The following ARHGAP6 variants were observed in gnomAD, a reference collection of about 807,000 sequenced individuals.
ARHGAP6 encodes the protein rho GTPase-activating protein 6.
A neutral mutation model predicts 55.7 loss-of-function variants in ARHGAP6; 16 were observed. The observed-to-expected ratio is 0.29, with a 90% CI of 0.19 to 0.44. The LOEUF is 0.44. Among genes scored for constraint, ARHGAP6 ranks in the 20% least tolerant of loss-of-function variants. The pLI is 1.00. For missense variants in ARHGAP6, 698 were observed against 808.9 expected (o/e 0.86, Z 1.66); for synonymous variants, 382 against 360.9 (o/e 1.06, Z -0.66).
chrX:11,607,743 A>C (rs149066353), intron 1 of ARHGAP6, among the ~76,000 whole-genome samples: 1,453 of 112,365 alleles, frequency 0.013, 22 homozygotes, highest in African/African-American at 0.045. Flanking sequence ...ATAGCTTGTG[A>C]CAGTGACCTT....
chrX:11,534,957 G>A (rs901329169), intron 1 of ARHGAP6, among the ~76,000 whole-genome samples: 1 of 111,331 alleles, frequency 9.0e-6, no homozygotes, highest in African/African-American at 3.3e-5. Flanking sequence ...ATTGAACAGT[G>A]CGGAGACAGT....
intron 1 of ARHGAP6, among the ~76,000 whole-genome samples, chrX:11,573,812 C>G (rs2147110639): frequency 9.0e-6 from 1 of 111,263 alleles, no homozygotes; most frequent in South Asian, 3.9e-4. Context: ...TTCTTCCTAC[C>G]CATGAGCATG....
chrX:11,511,928 A>G (rs1002972467), intron 1 of ARHGAP6, among the ~76,000 whole-genome samples: 6 of 110,874 alleles, frequency 5.4e-5, no homozygotes, highest in Middle Eastern at 4.6e-3. Flanking sequence ...CCGGGTTCAC[A>G]CCATTCTCCT....
intron 1 of ARHGAP6, among the ~76,000 whole-genome samples, chrX:11,469,863 A>T (rs2050331013): frequency 9.0e-6 from 1 of 111,431 alleles, no homozygotes; most frequent in African/African-American, 3.3e-5. Context: ...CAGGAGAGAG[A>T]GGTGGGTACA....
chrX:11,383,911 GA>G (rs2049292586), intron 1 of ARHGAP6, among the ~76,000 whole-genome samples: 1 of 110,562 alleles, frequency 9.0e-6, no homozygotes, highest in African/African-American at 3.3e-5. Flanking sequence ...GAATAAACTA[GA>G]AAATAAATGA....
chrX:11,435,480 C>T lies in ARHGAP6; in HGVS notation c.589-180773G>A, dbSNP rs747126512. Among the ~76,000 whole-genome samples the T allele has an allele frequency of 2.7e-5, 3 of 112,025 alleles. No homozygotes were observed. In the East Asian group the frequency reaches 8.4e-4, roughly 31 times the overall value. ...GTTTTTGAAGGTATGGTCTTCAGGA[C>T]CATGGGCATCAGCATCACTTGGGTG... is the stretch of plus-strand genomic sequence containing the variant. On this transcript the variant is annotated intron_variant, in intron 1 of 12. Coordinates refer to ENST00000337414, the MANE Select transcript of ARHGAP6 (RefSeq NM_013427.3).
At chrX:11,515,938 G>A (rs1051345391) in intron 1 of ARHGAP6, among the ~76,000 whole-genome samples, 1 of 112,505 alleles carries the variant, frequency 8.9e-6, no homozygotes, top group Non-Finnish European at 1.9e-5. Flanking sequence ...CCCCCCAGGG[G>A]TGTTTCACCC....
chrX:11,291,540 A>G (rs1434585613), intron 1 of ARHGAP6, among the ~76,000 whole-genome samples: 1 of 111,441 alleles, frequency 9.0e-6, no homozygotes, highest in Non-Finnish European at 1.9e-5. Flanking sequence ...AAAAAAAAAT[A>G]TCCTGAATCC....
At chrX:11,148,594 C>A (rs1476629483) in intron 10 of ARHGAP6, 1 of 353,918 alleles carries the variant, frequency 2.8e-6, no homozygotes, top group Admixed American at 2.7e-5. Flanking sequence ...ACCAGACAAG[C>A]AAGGGATGGG....
chrX:11,462,571 A>T (rs1569353892), intron 1 of ARHGAP6, among the ~76,000 whole-genome samples: 1 of 112,474 alleles, frequency 8.9e-6, no homozygotes, highest in Non-Finnish European at 1.9e-5. Flanking sequence ...CAAGAAAGAA[A>T]ACATTACCAT....
At chrX:11,570,496 T>C (rs1234040384) in intron 1 of ARHGAP6, among the ~76,000 whole-genome samples, 2 of 111,019 alleles carry the variant, frequency 1.8e-5, no homozygotes, top group African/African-American at 3.3e-5. Context: ...TTAGAAATTA[T>C]TGAGTGCTTA....
At chrX:11,276,331 A>C (rs1569282291) in intron 1 of ARHGAP6, among the ~76,000 whole-genome samples, 4 of 112,081 alleles carry the variant, frequency 3.6e-5, no homozygotes, top group Non-Finnish European at 7.5e-5. Context: ...TTCTGGAAGA[A>C]TAGAAACAGC....
intron 1 of ARHGAP6, among the ~76,000 whole-genome samples, chrX:11,536,912 T>G (rs1364457420): frequency 8.9e-6 from 1 of 112,272 alleles, no homozygotes; most frequent in Admixed American, 9.5e-5. Flanking sequence ...CTTCAATTTT[T>G]TACACCTAAA....
intron 1 of ARHGAP6, among the ~76,000 whole-genome samples, chrX:11,517,552 T>A (rs1339553712): frequency 1.8e-5 from 2 of 111,588 alleles, no homozygotes; most frequent in African/African-American, 6.5e-5. Context: ...AAAATGGTTA[T>A]CTTTAGCCCT....
chrX:11,259,262 T>C (rs994928295), intron 1 of ARHGAP6, among the ~76,000 whole-genome samples: 2 of 112,093 alleles, frequency 1.8e-5, no homozygotes, highest in Non-Finnish European at 3.8e-5. Context: ...GTGCCTGGCT[T>C]ACTTCACTTA....
At chrX:11,574,525 G>A (rs758041082) in intron 1 of ARHGAP6, among the ~76,000 whole-genome samples, 2 of 108,413 alleles carry the variant, frequency 1.8e-5, no homozygotes, top group South Asian at 4.1e-4. Flanking sequence ...AAATTCAACA[G>A]CCCTTCATGC....
At chrX:11,640,515 T>C (rs1208191918) in intron 1 of ARHGAP6, among the ~76,000 whole-genome samples, 1 of 112,103 alleles carries the variant, frequency 8.9e-6, no homozygotes, top group Non-Finnish European at 1.9e-5. Context: ...CTGTAAATTA[T>C]GTGACGGGGC....
chrX:11,422,015 G>A (rs1402065072), intron 1 of ARHGAP6, among the ~76,000 whole-genome samples: 3 of 111,953 alleles, frequency 2.7e-5, no homozygotes, highest in Admixed American at 1.9e-4. Flanking sequence ...CCTGTGCCAG[G>A]ACCTGCTCTA....
chrX:11,182,207 T>C, intron 5 of ARHGAP6, 89 bp from the exon 6 acceptor site: 1 of 709,162 alleles, frequency 1.4e-6, no homozygotes, highest in Non-Finnish European at 2.1e-6. Flanking sequence ...GCCAGCACAG[T>C]GCCGTAACAT....
Sources: allele counts gnomAD v4.1 joint callset (sites outside exome capture counted in the v4.1 genomes callset), GRCh38; gene constraint gnomAD v4.1.1; transcripts MANE v1.5; gene names NCBI Gene and HGNC (gene_info 2026-07-23, HGNC 2026-07-21).